The following COMMD9 variants were observed in gnomAD, a reference collection of about 807,000 sequenced individuals.
The protein encoded by COMMD9 is COMM domain-containing protein 9.
A neutral mutation model predicts 23.4 loss-of-function variants in COMMD9; 22 were observed. That is an observed-to-expected ratio of 0.94 (90% CI 0.67 to 1.34). The LOEUF is 1.34. COMMD9 is among the 40% of genes most tolerant of loss of function. The probability of loss-of-function intolerance (pLI) is 0.00; values close to 1 mark genes in which losing one functional copy is unlikely to be tolerated. For missense variants in COMMD9, 231 were observed against 240.2 expected, an observed-to-expected ratio of 0.96 and a Z score of 0.25; for synonymous variants, 99 against 97.4, an observed-to-expected ratio of 1.02 and a Z score of -0.10.
At chr11:36,276,714 G>C (rs895232301) in intron 4 of COMMD9, 1 of 203,764 alleles carries the variant, frequency 4.9e-6, no homozygotes, top group Non-Finnish European at 9.9e-6. Flanking sequence ...GACTTGAGCA[G>C]ATTAACTGCT....
At position 36,278,539 on chromosome 11, in the gene COMMD9, G is replaced by C. The variant is rs747483791; in HGVS notation, c.255C>G (p.Leu85=). The change falls in exon 3 of 6, where the codon CTC becomes CTG. Residue 85 remains leucine, a synonymous_variant. Transcript: ENST00000263401. ...GGTTTTGGTGGAAATTTTCTGGAAA[G>C]AGAGCCAGAATTGCCTCGGCAGAGG... The part of the protein sequence containing the change: ...DLSSAEAILA[L]FPENFHQNLK... 7 of 1,613,990 alleles carry C rather than the reference G, an allele frequency of 4.3e-6. No homozygotes were observed. The Admixed American group carries it at 1.0e-4, about 23-fold the overall frequency.
intron 1 of COMMD9, among the ~76,000 whole-genome samples, chr11:36,283,750 G>C (rs1856104281): frequency 6.6e-6 from 1 of 152,132 alleles, no homozygotes; most frequent in Non-Finnish European, 1.5e-5. Flanking sequence ...TGGTCTAAGT[G>C]TACCAATTAA....
At chr11:36,280,455 C>T (rs1406396013) in intron 2 of COMMD9, among the ~76,000 whole-genome samples, 2 of 152,206 alleles carry the variant, frequency 1.3e-5, no homozygotes, top group African/African-American at 4.8e-5. Context: ...TGAGCATCAG[C>T]AAGTTATAGG....
intron 2 of COMMD9, among the ~76,000 whole-genome samples, chr11:36,280,465 GT>G (rs1303225347): frequency 6.6e-6 from 1 of 152,232 alleles, no homozygotes; most frequent in Non-Finnish European, 1.5e-5. Context: ...CAAGTTATAG[GT>G]TGGAAAAGAA....
intron 2 of COMMD9, 81 bp from the exon 3 acceptor site, chr11:36,278,697 T>G: frequency 6.3e-6 from 9 of 1,419,784 alleles, no homozygotes; most frequent in Middle Eastern, 2.0e-4. Flanking sequence ...GGCAGGGCTC[T>G]ACACCCCGAA....
chr11:36,283,361 AAATAT>A (rs1856097873), intron 1 of COMMD9, among the ~76,000 whole-genome samples: 2 of 152,348 alleles, frequency 1.3e-5, no homozygotes, highest in African/African-American at 2.4e-5. Context: ...CTGAAGCAAA[AAATAT>A]AATATATCTG....
chr11:36,278,246 A>T, intron 3 of COMMD9: 1 of 442,632 alleles, frequency 2.3e-6, no homozygotes, highest in Non-Finnish European at 4.0e-6. Context: ...CAAAACATCA[A>T]CCTCTTACAG....
In COMMD9 at chr11:36,289,367, G is replaced by A. The variant is rs751733866; in HGVS notation, c.46C>T (p.Leu16Phe). 4 of 1,551,736 alleles carry A rather than the reference G, an allele frequency of 2.6e-6. No homozygotes were observed. Among genetic ancestry groups the A allele is most frequent in the Middle Eastern group, 1.7e-4 (1 of 5,986 alleles). ...AEHFAALQSLLKASSKDVVRQ... is the reference protein window; with the variant it reads ...AEHFAALQSLFKASSKDVVRQ... ...TCCCCACCCCTTCGACTTACCTTGA[G>A]CAGGCTCTGGAGTGCTGCAAAATGC... The change falls in exon 1 of 6, where the codon CTC (leucine) becomes TTC (phenylalanine). Residue 16 changes from leucine (L) to phenylalanine (F), a missense_variant. Leu to Phe is a conservative substitution (Grantham distance 22, BLOSUM62 0). Coordinates refer to ENST00000263401, the MANE Select transcript of COMMD9 (RefSeq NM_014186.4).
chr11:36,277,350 A>G (rs1329864032), intron 3 of COMMD9, among the ~76,000 whole-genome samples: 3 of 152,236 alleles, frequency 2.0e-5, no homozygotes, highest in Non-Finnish European at 4.4e-5. Flanking sequence ...AGTTCAGGAC[A>G]AAAAAGAAGA....
chr11:36,280,676 G>A, intron 2 of COMMD9, 36 bp downstream of exon 2: 2 of 1,532,780 alleles, frequency 1.3e-6, no homozygotes, highest in Non-Finnish European at 1.8e-6. Flanking sequence ...CTAATAAGAG[G>A]GCCAGTGGCC....
At chr11:36,277,035 AGCTGGG>A in intron 4 of COMMD9, 48 bp downstream of exon 4, 1 of 1,502,630 alleles carries the variant, frequency 6.7e-7, no homozygotes, top group Non-Finnish European at 9.1e-7. Flanking sequence ...GCAGACTGAG[AGCTGGG>A]GCTGGGGAGA....
intron 1 of COMMD9, among the ~76,000 whole-genome samples, chr11:36,284,104 TCAA>T (rs79468939): frequency 0.49 from 73,393 of 149,382 alleles, 18,917 homozygotes; most frequent in Non-Finnish European, 0.58. Context: ...AGACCCTGTC[TCAA>T]CAACAACAAC....
chr11:36,279,748 A>C (rs1856034779), intron 2 of COMMD9, among the ~76,000 whole-genome samples: 1 of 152,230 alleles, frequency 6.6e-6, no homozygotes, highest in Non-Finnish European at 1.5e-5. Context: ...AATCACTTCC[A>C]AAATCTTGCT....
At position 36,280,722 on chromosome 11, in the gene COMMD9, T is replaced by C. The variant is rs775508092; in HGVS notation, c.167A>G (p.Glu56Gly). 6.9e-6 allele frequency: 11 copies of C among 1,600,632 alleles called. No homozygotes were observed. In the African/African-American group the frequency reaches 1.1e-4, roughly 16 times the overall value. The change falls in exon 2 of 6, where the codon GAG becomes GGG. Residue 56 changes from glutamate (E) to glycine (G), a missense_variant. Glu to Gly is a moderately conservative substitution (Grantham distance 98). Transcript: ENST00000263401. ...TCTGACCACACTTACTTCCTCTGCC[T>C]CCTCCTGGGTCACAGACAAGCTGGA... ...TCSSLSVTQEEAEELLQALHR... is the reference protein window; with the variant it reads ...TCSSLSVTQEGAEELLQALHR...
chr11:36,274,761 A>C lies in COMMD9; in HGVS notation c.468T>G (p.Asp156Glu), dbSNP rs1418906752. The C allele has an allele frequency of 6.2e-7, 1 of 1,614,240 alleles. No individual in the cohort carries two copies. The highest frequency in any genetic ancestry group is 8.5e-7 in the Non-Finnish European group (1 of 1,180,030). Residue 156 changes from aspartate to glutamate, a missense_variant, in exon 6 of 6, where the codon GAT (aspartate) becomes GAG (glutamate). Physicochemically the swap from Asp to Glu is conservative, Grantham distance 45 (BLOSUM62 2). Transcript: ENST00000263401. ...TCLLQMKIQE[D>E]PSLCGDKPSI... Reference sequence around the variant, plus strand: ...AGGGTTTGTCTCCGCATAGGCTGGGATCTTCTTGGATCTGAAACGAGAACA... The same window carrying C: ...AGGGTTTGTCTCCGCATAGGCTGGGCTCTTCTTGGATCTGAAACGAGAACA...
At chr11:36,280,686 C>A in intron 2 of COMMD9, 26 bp downstream of exon 2, 1 of 1,548,786 alleles carries the variant, frequency 6.5e-7, no homozygotes, top group South Asian at 1.2e-5. Flanking sequence ...GGCCAGTGGC[C>A]AAAGATCATT....
intron 1 of COMMD9, among the ~76,000 whole-genome samples, chr11:36,285,145 C>T (rs1015011250): frequency 2.4e-4 from 36 of 152,110 alleles, no homozygotes; most frequent in African/African-American, 8.2e-4. Context: ...AGGGGAGACA[C>T]AAATTATCAG....
At chr11:36,279,189 C>G (rs1022888984) in intron 2 of COMMD9, among the ~76,000 whole-genome samples, 1 of 152,168 alleles carries the variant, frequency 6.6e-6, no homozygotes, top group Non-Finnish European at 1.5e-5. Flanking sequence ...GATTCATGTC[C>G]TTTCCTCTCA....
At chr11:36,280,382 C>T (rs891003658) in intron 2 of COMMD9, among the ~76,000 whole-genome samples, 1 of 152,164 alleles carries the variant, frequency 6.6e-6, no homozygotes, top group Non-Finnish European at 1.5e-5. Flanking sequence ...CTTATGCAGG[C>T]CTCAAACCTT....
Sources: allele counts gnomAD v4.1 joint callset (sites outside exome capture counted in the v4.1 genomes callset), GRCh38; gene constraint gnomAD v4.1.1; transcripts MANE v1.5; gene names NCBI Gene and HGNC (gene_info 2026-07-23, HGNC 2026-07-21).